Variants in RIMS1 observed in about 807,000 individuals in gnomAD.
The protein encoded by RIMS1 is regulating synaptic membrane exocytosis protein 1.
RIMS1 carries 83 observed loss-of-function variants against 214.1 expected under a neutral mutation model. The observed-to-expected ratio is 0.39, with a 90% confidence interval of 0.32 to 0.47. The LOEUF (loss-of-function observed/expected upper bound fraction) is 0.47, where lower values mean the gene tolerates loss of function less well. RIMS1 is among the 20% of genes least tolerant of loss of function. RIMS1 has a pLI of 0.99. For synonymous variants in RIMS1, 793 were observed against 786.8 expected (o/e 1.01, Z -0.13); for missense variants, 2,050 against 2,161.8 (o/e 0.95, Z 1.03).
At chr6:72,386,002 C>T (rs2098594705) in intron 29 of RIMS1, among the ~76,000 whole-genome samples, 1 of 152,054 alleles carries the variant, frequency 6.6e-6, no homozygotes, top group South Asian at 2.1e-4. Flanking sequence ...AAAACAAAAA[C>T]TTTAATATTA....
intron 1 of RIMS1, among the ~76,000 whole-genome samples, chr6:71,917,367 C>T (rs1343213536): frequency 6.6e-6 from 1 of 151,964 alleles, no homozygotes. Flanking sequence ...TGAGCCAAAA[C>T]CTGAATGAAA....
At chr6:71,977,023 T>G (rs1472981817) in intron 2 of RIMS1, among the ~76,000 whole-genome samples, 1 of 152,140 alleles carries the variant, frequency 6.6e-6, no homozygotes, top group East Asian at 1.9e-4. Context: ...TCAGACTGCG[T>G]GGTCTAATGT....
At chr6:71,937,627 A>G (rs1784840008) in intron 1 of RIMS1, among the ~76,000 whole-genome samples, 1 of 152,138 alleles carries the variant, frequency 6.6e-6, no homozygotes, top group Admixed American at 6.5e-5. Context: ...GACAGAAGGC[A>G]TCACATGGTG....
At chr6:72,051,619 C>T (rs555446291) in intron 2 of RIMS1, among the ~76,000 whole-genome samples, 1 of 152,230 alleles carries the variant, frequency 6.6e-6, no homozygotes, top group African/African-American at 2.4e-5. Context: ...GAGAATATTC[C>T]TCTTACCAGT....
At chr6:72,228,940 G>A (rs932752588) in intron 6 of RIMS1, among the ~76,000 whole-genome samples, 3 of 151,786 alleles carry the variant, frequency 2.0e-5, no homozygotes, top group African/African-American at 7.2e-5. Flanking sequence ...GGTAAACATA[G>A]CTGCCATCCA....
intron 26 of RIMS1, among the ~76,000 whole-genome samples, chr6:72,299,955 G>T (rs573064142): frequency 6.6e-6 from 1 of 151,756 alleles, no homozygotes; most frequent in East Asian, 1.9e-4. Context: ...TGTGTGTTAA[G>T]ATTTCAAAAA....
rs995769455 is a variant in RIMS1, at chr6:72,313,653, C to T, written c.4111C>T (p.Arg1371Cys). ...STSFMSEQSE[R>C]PRGRISSFTP... The stretch of plus-strand genomic sequence containing the variant: ...AAGCTTTATGTCAGAGCAATCTGAG[C>T]GCCCCAGGGGTAGAATCAGGTGAGT... The change falls in exon 28 of 34, where the codon CGC becomes TGC. Residue 1371 changes from arginine (R) to cysteine (C), a missense_variant. By Grantham distance (180) the Arg-to-Cys change is radical (BLOSUM62 -3). Around this residue, in one of 6 missense-constraint regions of RIMS1, gnomAD observed 889 missense variants for 885.5 expected, o/e 1.00. Coordinates refer to ENST00000521978, the MANE Select transcript of RIMS1 (RefSeq NM_014989.7). The T allele has an allele frequency of 1.3e-5, 21 of 1,612,746 alleles. No individual in the cohort carries two copies. Among genetic ancestry groups the T allele is most frequent in the East Asian group, 2.2e-5 (1 of 44,852 alleles).
At chr6:72,229,670 G>A (rs747149350) in intron 6 of RIMS1, among the ~76,000 whole-genome samples, 25 of 151,686 alleles carry the variant, frequency 1.6e-4, no homozygotes, top group Non-Finnish European at 3.1e-4. Context: ...ATCTTAAATA[G>A]ACTTCTAAAA....
At chr6:71,942,140 T>A (rs79295307) in intron 1 of RIMS1, among the ~76,000 whole-genome samples, 3,348 of 152,296 alleles carry the variant, frequency 0.022, 120 homozygotes, top group African/African-American at 0.076. Context: ...TCTGCAGATC[T>A]TCATGGAATT....
At position 72,059,894 on chromosome 6, in the gene RIMS1, A is replaced by G. The variant is rs554526997; in HGVS notation, c.246-37055A>G. Among the ~76,000 whole-genome samples, 7 of 152,280 alleles carry G rather than the reference A, an allele frequency of 4.6e-5. No individual in the cohort carries two copies. The South Asian group carries it at 1.4e-3, about 32-fold the overall frequency. On this transcript the variant is annotated intron_variant, in intron 2 of 33. Transcript: ENST00000521978. ...GGCAGAATTGGATATGCCAAATTTC[A>G]TATGAGCTAGAACTGAGTAGGTCCT...
intron 31 of RIMS1, among the ~76,000 whole-genome samples, chr6:72,397,141 A>G (rs2154450197): frequency 6.6e-6 from 1 of 152,342 alleles, no homozygotes; most frequent in South Asian, 2.1e-4. Context: ...GAGTAGAACT[A>G]TAACTACCAG....
intron 4 of RIMS1, among the ~76,000 whole-genome samples, chr6:72,100,949 T>C (rs1359138709): frequency 1.3e-5 from 2 of 152,008 alleles, no homozygotes; most frequent in Non-Finnish European, 2.9e-5. Context: ...TTATATAGGA[T>C]AATCTATTTT....
intron 26 of RIMS1, among the ~76,000 whole-genome samples, chr6:72,305,182 T>C (rs1448813386): frequency 1.3e-5 from 2 of 151,978 alleles, no homozygotes; most frequent in Admixed American, 1.3e-4. Context: ...TTTAGAGAAA[T>C]GAAGTGTTGT....
intron 2 of RIMS1, among the ~76,000 whole-genome samples, chr6:72,008,422 G>C (rs1359658468): frequency 6.6e-6 from 1 of 152,072 alleles, no homozygotes; most frequent in Non-Finnish European, 1.5e-5. Flanking sequence ...CAACTAACGA[G>C]CAAAATAACC....
At chr6:72,261,335 T>G in intron 19 of RIMS1, 1 of 989,020 alleles carries the variant, frequency 1.0e-6, no homozygotes, top group Non-Finnish European at 1.2e-6. Flanking sequence ...AGCCCACCAG[T>G]TGTCAGAAAT....
At chr6:72,365,026 A>G (rs1393641573) in intron 29 of RIMS1, among the ~76,000 whole-genome samples, 1 of 152,240 alleles carries the variant, frequency 6.6e-6, no homozygotes, top group Non-Finnish European at 1.5e-5. Context: ...TAGCCAGGAT[A>G]CCAATAGCAT....
intron 18 of RIMS1, 73 bp from the exon 19 acceptor site, chr6:72,260,632 A>G (rs537092051): frequency 6.3e-7 from 1 of 1,579,632 alleles, no homozygotes; most frequent in South Asian, 1.1e-5. Flanking sequence ...TCATGTTTTC[A>G]TTGGCATACC....
intron 6 of RIMS1, among the ~76,000 whole-genome samples, chr6:72,187,252 G>T (rs981069505): frequency 6.6e-6 from 1 of 152,108 alleles, no homozygotes; most frequent in African/African-American, 2.4e-5. Context: ...AGTGTCTTTG[G>T]AATGTAATAT....
chr6:72,014,631 A>T lies in RIMS1; in HGVS notation c.245+45568A>T, dbSNP rs144796796. 9.2e-4 allele frequency among the ~76,000 whole-genome samples: 140 copies of T among 152,270 alleles called. 1 individual carries two copies. Among genetic ancestry groups the T allele is most frequent in the Middle Eastern group, 6.8e-3 (2 of 294 alleles). On this transcript the variant is annotated intron_variant, in intron 2 of 33. Transcript: ENST00000521978. ...AATTTTTTTTGATGTATAAATAGTC[A>T]TGTGGTAACTCTATGTTTAACATTT...
Sources: allele counts gnomAD v4.1 joint callset (sites outside exome capture counted in the v4.1 genomes callset), GRCh38; gene constraint gnomAD v4.1.1; regional missense constraint gnomAD v4.1.1; transcripts MANE v1.5; gene names NCBI Gene and HGNC (gene_info 2026-07-23, HGNC 2026-07-21).